RIMS2: variants seen among roughly 807,000 people sequenced by gnomAD.
RIMS2 encodes regulating synaptic membrane exocytosis 2.
Under a neutral mutation model 174.4 loss-of-function variants are expected in RIMS2, and 59 were observed. That is an observed-to-expected ratio of 0.34 (90% confidence interval 0.27 to 0.42). The LOEUF (loss-of-function observed/expected upper bound fraction) is 0.42, where lower values mean the gene tolerates loss of function less well. RIMS2 is among the 10% of genes least tolerant of loss of function. The pLI is 1.00. For synonymous variants in RIMS2, 606 were observed against 572.5 expected, an observed-to-expected ratio of 1.06 and a Z score of -0.84; for missense variants, 1,620 against 1,666.3, an observed-to-expected ratio of 0.97 and a Z score of 0.48.
At chr8:103,749,628 T>C (rs1293912910) in intron 2 of RIMS2, among the ~76,000 whole-genome samples, 3 of 152,150 alleles carry the variant, frequency 2.0e-5, no homozygotes, top group Non-Finnish European at 4.4e-5. Flanking sequence ...TTAGTCTGTT[T>C]TCATGCTTAT....
intron 1 of RIMS2, among the ~76,000 whole-genome samples, chr8:103,551,816 CAGAG>C (rs1848082852): frequency 6.6e-6 from 1 of 152,086 alleles, no homozygotes; most frequent in Non-Finnish European, 1.5e-5. Context: ...AACAGACAAA[CAGAG>C]AGCCAAATCA....
At chr8:104,235,399 A>G (rs1224456784) in intron 19 of RIMS2, among the ~76,000 whole-genome samples, 2 of 152,144 alleles carry the variant, frequency 1.3e-5, no homozygotes, top group East Asian at 3.9e-4. Flanking sequence ...AAATGATAGT[A>G]GTCATCACTG....
At chr8:104,000,119 A>T (rs1042660208) in intron 17 of RIMS2, among the ~76,000 whole-genome samples, 1 of 151,678 alleles carries the variant, frequency 6.6e-6, no homozygotes, top group African/African-American at 2.4e-5. Context: ...CCTAGACAAT[A>T]TGGGTAGAAT....
At chr8:104,195,028 T>C (rs1207792570) in intron 19 of RIMS2, among the ~76,000 whole-genome samples, 1 of 152,212 alleles carries the variant, frequency 6.6e-6, no homozygotes, top group Admixed American at 6.5e-5. Flanking sequence ...TGCTGAAAGC[T>C]TTTTAAGCAA....
intron 9 of RIMS2, chr8:103,921,032 AC>A: frequency 4.3e-6 from 1 of 229,944 alleles, no homozygotes; most frequent in Non-Finnish European, 8.6e-6. Context: ...AACAACAACA[AC>A]AACAACAACA....
chr8:103,859,832 A>G (rs1278774176), intron 3 of RIMS2, among the ~76,000 whole-genome samples: 1 of 152,062 alleles, frequency 6.6e-6, no homozygotes, highest in Non-Finnish European at 1.5e-5. Context: ...TGTCTAGTGC[A>G]TGTGGGCAGA....
chr8:104,046,716 T>C (rs1202772246), intron 19 of RIMS2, among the ~76,000 whole-genome samples: 1 of 152,058 alleles, frequency 6.6e-6, no homozygotes, highest in African/African-American at 2.4e-5. Context: ...TAACTCAGTA[T>C]TATTGATGAA....
At chr8:103,623,814 A>G (rs551641291) in intron 1 of RIMS2, among the ~76,000 whole-genome samples, 1 of 151,194 alleles carries the variant, frequency 6.6e-6, no homozygotes, top group South Asian at 2.1e-4. Context: ...TTTAAAAAGG[A>G]AGGAACTAGA....
chr8:103,789,107 G>A (rs1592409673), intron 3 of RIMS2, among the ~76,000 whole-genome samples: 1 of 152,188 alleles, frequency 6.6e-6, no homozygotes, highest in South Asian at 2.1e-4. Context: ...CCCAAGGGAG[G>A]CAATGCCTCG....
chr8:104,118,836 C>T (rs1003482788), intron 19 of RIMS2, among the ~76,000 whole-genome samples: 5 of 152,088 alleles, frequency 3.3e-5, no homozygotes, highest in South Asian at 2.1e-4. Flanking sequence ...GCTGTCTTTT[C>T]GTTGTGTCTT....
chr8:103,903,018 A>T (rs2073547442), intron 4 of RIMS2, among the ~76,000 whole-genome samples: 1 of 152,172 alleles, frequency 6.6e-6, no homozygotes, highest in African/African-American at 2.4e-5. Flanking sequence ...GAAGAGAAAT[A>T]AAAAACATAA....
At chr8:104,141,054 T>A (rs1270085723) in intron 19 of RIMS2, among the ~76,000 whole-genome samples, 2 of 152,128 alleles carry the variant, frequency 1.3e-5, no homozygotes, top group African/African-American at 4.8e-5. Context: ...TAAATGTAGT[T>A]TTTGTGCTTA....
chr8:103,988,786 C>A (rs1442612595), intron 16 of RIMS2, among the ~76,000 whole-genome samples: 2 of 152,084 alleles, frequency 1.3e-5, no homozygotes, highest in Non-Finnish European at 2.9e-5. Flanking sequence ...GGTATATTCA[C>A]AAAGATGGTA....
intron 19 of RIMS2, 67 bp from the exon 23 acceptor site, chr8:104,068,445 A>G: frequency 1.4e-6 from 1 of 692,618 alleles, no homozygotes; most frequent in Non-Finnish European, 2.5e-6. Context: ...TCGTTTATAC[A>G]TCCTGTAAGT....
intron 19 of RIMS2, chr8:104,148,729 C>T: frequency 6.3e-7 from 1 of 1,598,382 alleles, no homozygotes; most frequent in South Asian, 1.1e-5. Flanking sequence ...CAGTCTGACA[C>T]TGCAGTGGGC....
chr8:103,744,442 T>G (rs994711881), intron 2 of RIMS2, among the ~76,000 whole-genome samples: 2 of 152,242 alleles, frequency 1.3e-5, no homozygotes, highest in African/African-American at 4.8e-5. Context: ...AATTATATTA[T>G]TTTCATAAAA....
intron 2 of RIMS2, among the ~76,000 whole-genome samples, chr8:103,737,934 C>G (rs1481786118): frequency 6.6e-6 from 1 of 152,116 alleles, no homozygotes; most frequent in African/African-American, 2.4e-5. Flanking sequence ...TGAAAGTGCA[C>G]TTATATGATT....
intron 16 of RIMS2, among the ~76,000 whole-genome samples, chr8:103,981,536 A>G (rs2093905787): frequency 6.6e-6 from 1 of 152,186 alleles, no homozygotes; most frequent in African/African-American, 2.4e-5. Context: ...TCACCAAATG[A>G]ACTAAATAAG....
chr8:104,146,447 A>C (rs2098640733), intron 19 of RIMS2, among the ~76,000 whole-genome samples: 1 of 152,170 alleles, frequency 6.6e-6, no homozygotes, highest in Non-Finnish European at 1.5e-5. Flanking sequence ...TGTTAGGTTG[A>C]AGAGAAGTGC....
Sources: allele counts gnomAD v4.1 joint callset (sites outside exome capture counted in the v4.1 genomes callset), GRCh38; gene constraint gnomAD v4.1.1; transcripts MANE v1.5; gene names NCBI Gene and HGNC (gene_info 2026-07-23, HGNC 2026-07-21).